The following CSNK2A2IP variants were observed in gnomAD, a reference collection of about 807,000 sequenced individuals.
The protein encoded by CSNK2A2IP is casein kinase 2 subunit alpha' interacting protein.
At chr3:88,452,414 C>A in the CSNK2A2IP span, among the ~76,000 whole-genome samples, 1 of 151,982 alleles carries the variant, frequency 6.6e-6, no homozygotes, top group Non-Finnish European at 1.5e-5. Flanking sequence ...AAAGCGTGGC[C>A]AAGTTAGGCT....
At chr3:88,390,554 G>A in the CSNK2A2IP span, among the ~76,000 whole-genome samples, 1 of 152,086 alleles carries the variant, frequency 6.6e-6, no homozygotes, top group African/African-American at 2.4e-5. Context: ...TATTTGATGA[G>A]AAAAAATATA....
the CSNK2A2IP span, among the ~76,000 whole-genome samples, chr3:88,441,914 C>T: frequency 6.6e-6 from 1 of 152,106 alleles, no homozygotes; most frequent in East Asian, 1.9e-4. Flanking sequence ...TGATAGAGAT[C>T]TGGTGAAAAA....
chr3:88,380,407 C>G, the CSNK2A2IP span, among the ~76,000 whole-genome samples: 4 of 151,722 alleles, frequency 2.6e-5, no homozygotes, highest in South Asian at 4.2e-4. Context: ...GATCTTATTT[C>G]AAGGGCACAA....
At chr3:88,434,843 G>C in the CSNK2A2IP span, among the ~76,000 whole-genome samples, 4 of 152,252 alleles carry the variant, frequency 2.6e-5, no homozygotes, top group Admixed American at 2.0e-4. Flanking sequence ...ATTAGGGGAA[G>C]ACCAAAAGAC....
At chr3:88,361,110 T>C in the CSNK2A2IP span, among the ~76,000 whole-genome samples, 2 of 152,236 alleles carry the variant, frequency 1.3e-5, no homozygotes, top group Non-Finnish European at 2.9e-5. Context: ...ATTTGTCTTT[T>C]AGTTTTCATA....
chr3:88,373,884 G>T, the CSNK2A2IP span, among the ~76,000 whole-genome samples: 3 of 151,400 alleles, frequency 2.0e-5, no homozygotes, highest in Non-Finnish European at 3.0e-5. Context: ...TTAATAAGAT[G>T]AAATTTTTGA....
chr3:88,423,322 T>C, the CSNK2A2IP span, among the ~76,000 whole-genome samples: 2 of 152,164 alleles, frequency 1.3e-5, no homozygotes, highest in Admixed American at 6.5e-5. Flanking sequence ...AAATTGATCG[T>C]CTATATTAAG....
chr3:88,428,039 G>T, the CSNK2A2IP span, among the ~76,000 whole-genome samples: 1 of 152,156 alleles, frequency 6.6e-6, no homozygotes, highest in Non-Finnish European at 1.5e-5. Flanking sequence ...GGGGCTGTGG[G>T]TTGCAAAGCC....
chr3:88,446,056 T>C, the CSNK2A2IP span, among the ~76,000 whole-genome samples: 66 of 127,118 alleles, frequency 5.2e-4, no homozygotes, highest in Admixed American at 1.2e-3. Context: ...CTTTCTTTCT[T>C]TCTTTCTTTC....
chr3:88,406,100 A>G, the CSNK2A2IP span, among the ~76,000 whole-genome samples: 6 of 152,146 alleles, frequency 3.9e-5, no homozygotes, highest in Non-Finnish European at 7.4e-5. Context: ...ACTCTAGCCT[A>G]TGCTTTTGTA....
At chr3:88,404,399 A>T in the CSNK2A2IP span, among the ~76,000 whole-genome samples, 2 of 152,208 alleles carry the variant, frequency 1.3e-5, no homozygotes, top group Non-Finnish European at 2.9e-5. Flanking sequence ...CAAGCAGCTT[A>T]TATGGTTAAT....
At chr3:88,359,955 TG>T in the CSNK2A2IP span, among the ~76,000 whole-genome samples, 1 of 152,136 alleles carries the variant, frequency 6.6e-6, no homozygotes, top group Non-Finnish European at 1.5e-5. Flanking sequence ...TGCTGAAAGT[TG>T]GGTGTTGAAG....
At chr3:88,386,566 A>G in the CSNK2A2IP span, among the ~76,000 whole-genome samples, 1 of 152,206 alleles carries the variant, frequency 6.6e-6, no homozygotes, top group Non-Finnish European at 1.5e-5. Flanking sequence ...ATAATGATCA[A>G]ACTTGTTCTC....
chr3:88,445,554 CTTATTA>C, the CSNK2A2IP span, among the ~76,000 whole-genome samples: 2 of 151,970 alleles, frequency 1.3e-5, no homozygotes, highest in African/African-American at 4.8e-5. Context: ...GAAAAGATAT[CTTATTA>C]TTATTTTTTT....
the CSNK2A2IP span, among the ~76,000 whole-genome samples, chr3:88,389,037 G>A: frequency 9.9e-5 from 15 of 151,832 alleles, no homozygotes; most frequent in South Asian, 2.1e-4. Flanking sequence ...CCCAAAAGCC[G>A]TGCCCTCATT....
chr3:88,463,913 C>T, the CSNK2A2IP span, among the ~76,000 whole-genome samples: 1 of 151,898 alleles, frequency 6.6e-6, no homozygotes, highest in African/African-American at 2.4e-5. Flanking sequence ...AAATGTCCAA[C>T]AATGATAGAC....
the CSNK2A2IP span, chr3:88,382,929 G>A: frequency 6.6e-6 from 1 of 152,166 alleles, no homozygotes; most frequent in African/African-American, 2.4e-5. Flanking sequence ...AGAGTGAATT[G>A]TTTGAATGAA....
chr3:88,388,212 T>G, the CSNK2A2IP span, among the ~76,000 whole-genome samples: 7 of 152,194 alleles, frequency 4.6e-5, no homozygotes, highest in Non-Finnish European at 7.3e-5. Context: ...AATTTATGAT[T>G]AAATCATACA....
chr3:88,393,988 C>G, the CSNK2A2IP span, among the ~76,000 whole-genome samples: 2 of 152,128 alleles, frequency 1.3e-5, no homozygotes, highest in Non-Finnish European at 2.9e-5. Context: ...AGACCCAATT[C>G]TACATAATTT....
Sources: gnomAD v4.1 joint callset for allele counts (sites outside exome capture counted in the v4.1 genomes callset) on GRCh38, gnomAD v4.1.1 for gene constraint, MANE v1.5 for transcripts, NCBI Gene and HGNC (gene_info 2026-07-23, HGNC 2026-07-21) for gene names.